Variants in POU3F3 observed in about 807,000 individuals in gnomAD.
POU3F3 encodes POU class 3 homeobox 3, also known as POU domain, class 3, transcription factor 3.
POU3F3 carries 1 observed loss-of-function variant against 8.6 expected under a neutral mutation model. The observed-to-expected ratio is 0.12, with a 90% CI of 0.04 to 0.55. The LOEUF (loss-of-function observed/expected upper bound fraction) is 0.55, where lower values mean the gene tolerates loss of function less well. Among genes scored for constraint, POU3F3 ranks in the 20% least tolerant of loss-of-function variants. The probability of loss-of-function intolerance (pLI) is 0.91; values close to 1 mark genes in which losing one functional copy is unlikely to be tolerated. For synonymous variants in POU3F3, 418 were observed against 327.4 expected, an observed-to-expected ratio of 1.28 and a Z score of -2.99; for missense variants, 577 against 690.7, an observed-to-expected ratio of 0.84 and a Z score of 1.84.
the POU3F3 span, among the ~76,000 whole-genome samples, chr2:104,918,545 C>G: frequency 1.3e-5 from 2 of 152,156 alleles, no homozygotes; most frequent in Non-Finnish European, 2.9e-5. Flanking sequence ...CACAGGTACA[C>G]ACAGGGAGAA....
At chr2:104,871,843 C>G in the POU3F3 span, among the ~76,000 whole-genome samples, 24 of 152,130 alleles carry the variant, frequency 1.6e-4, no homozygotes, top group Non-Finnish European at 2.5e-4. Flanking sequence ...TCAATGCGAA[C>G]GCAGAAAGAA....
At chr2:104,881,386 G>T in the POU3F3 span, among the ~76,000 whole-genome samples, 1 of 151,810 alleles carries the variant, frequency 6.6e-6, no homozygotes, top group African/African-American at 2.4e-5. Flanking sequence ...GGCTGTTCTT[G>T]AACTCCTGAC....
chr2:104,856,494 G>C lies in POU3F3; in HGVS notation c.984G>C (p.Gln328His). Residue 328 changes from glutamine to histidine, a missense_variant, in exon 1 of 1, where the codon CAG becomes CAC. Gln to His is a conservative substitution (Grantham distance 24). This residue lies in a region of POU3F3 where 20 missense variants were observed against 107.7 expected (regional missense o/e 0.19). Transcript: ENST00000361360. Reference protein sequence around the residue: ...TSDDLEQFAKQFKQRRIKLGF... With the variant: ...TSDDLEQFAKHFKQRRIKLGF... ...ACGACCTGGAGCAGTTCGCCAAGCAGTTCAAGCAGCGGCGCATCAAGCTGG... is the reference window on the plus strand; with the variant it reads ...ACGACCTGGAGCAGTTCGCCAAGCACTTCAAGCAGCGGCGCATCAAGCTGG... 1 of 1,613,852 alleles carries C rather than the reference G, an allele frequency of 6.2e-7. No homozygotes were observed. Among genetic ancestry groups the C allele is most frequent in the Non-Finnish European group, 8.5e-7 (1 of 1,179,984 alleles).
At chr2:104,864,907 T>G in the POU3F3 span, among the ~76,000 whole-genome samples, 1 of 152,232 alleles carries the variant, frequency 6.6e-6, no homozygotes, top group Non-Finnish European at 1.5e-5. Context: ...AATGGACTGT[T>G]AATATCACCC....
At chr2:104,909,867 G>A in the POU3F3 span, among the ~76,000 whole-genome samples, 1 of 152,172 alleles carries the variant, frequency 6.6e-6, no homozygotes, top group Admixed American at 6.5e-5. Flanking sequence ...ATACAAGAGA[G>A]TACTTCTTCA....
chr2:104,912,406 T>G, the POU3F3 span, among the ~76,000 whole-genome samples: 1 of 152,266 alleles, frequency 6.6e-6, no homozygotes, highest in East Asian at 1.9e-4. Flanking sequence ...ACGCCAAAGC[T>G]GTTGAGCACC....
chr2:104,914,376 G>A, the POU3F3 span, among the ~76,000 whole-genome samples: 11 of 152,160 alleles, frequency 7.2e-5, no homozygotes, highest in Admixed American at 7.2e-4. Context: ...CAGCTCCTCT[G>A]ATGGGTTGAT....
rs1410210456 is a variant in POU3F3, at chr2:104,857,336, C to T, written c.*323C>T. 1 of 155,146 alleles carries T rather than the reference C, an allele frequency of 6.4e-6. No homozygotes were observed. The highest frequency in any genetic ancestry group is 1.4e-5 in the Non-Finnish European group (1 of 69,366). 9.6% of individuals were successfully genotyped at this position (155,146 alleles called of 1,614,324 possible). ...CTGTTTTGTATACATATATAACAAACAAAACCGGAAGAGAAAAAGGGGGCG... is the reference window on the plus strand; with the variant it reads ...CTGTTTTGTATACATATATAACAAATAAAACCGGAAGAGAAAAAGGGGGCG... On this transcript the variant is annotated 3_prime_UTR_variant, in exon 1 of 1. Transcript: ENST00000361360.
chr2:104,858,961 G>A (rs1676624435), downstream of POU3F3, among the ~76,000 whole-genome samples: 1 of 151,110 alleles, frequency 6.6e-6, no homozygotes, highest in Non-Finnish European at 1.5e-5. Flanking sequence ...CTCCCCCCAA[G>A]TTCAGCTTCT....
the POU3F3 span, among the ~76,000 whole-genome samples, chr2:104,873,035 G>A: frequency 6.6e-6 from 1 of 152,192 alleles, no homozygotes; most frequent in Non-Finnish European, 1.5e-5. Flanking sequence ...CTTTGGGAGC[G>A]AGAAAGTTTG....
At position 104,855,638 on chromosome 2, in the gene POU3F3, G is replaced by GGGGGC; in HGVS notation, c.128_129insGGGGC (p.Ala44GlyfsTer17). The GGGGGC allele has an allele frequency of 1.0e-6, 1 of 973,022 alleles. No individual in the cohort carries two copies. Among genetic ancestry groups the GGGGGC allele is most frequent in the Non-Finnish European group, 1.2e-6 (1 of 822,816 alleles). 60.3% of individuals were successfully genotyped at this position (973,022 alleles called of 1,614,324 possible). On this transcript the variant is annotated frameshift_variant, in exon 1 of 1. Coordinates refer to ENST00000361360, the MANE Select transcript of POU3F3 (RefSeq NM_006236.3). LOFTEE classifies it low-confidence loss of function (END_TRUNC). ...GGCGGCGGCGGCGGCGGCGGGGGCG[G>GGGGGC]CGCAGGGGGCGGGGGCGGCGGCATG... is the stretch of plus-strand genomic sequence containing the variant.
downstream of POU3F3, among the ~76,000 whole-genome samples, chr2:104,862,529 C>A (rs898698263): frequency 6.6e-6 from 1 of 151,678 alleles, no homozygotes; most frequent in African/African-American, 2.4e-5. Context: ...GCGTCCAAAG[C>A]TCGCTTCTCT....
the POU3F3 span, among the ~76,000 whole-genome samples, chr2:104,884,124 G>A: frequency 6.6e-6 from 1 of 152,100 alleles, no homozygotes; most frequent in Non-Finnish European, 1.5e-5. Context: ...TCTGTAGAGT[G>A]GACTATGGAA....
chr2:104,918,108 G>A, the POU3F3 span, among the ~76,000 whole-genome samples: 1 of 152,190 alleles, frequency 6.6e-6, no homozygotes, highest in African/African-American at 2.4e-5. Context: ...CCTGCAAAGA[G>A]CTGTGCATAT....
chr2:104,890,658 G>A, the POU3F3 span, among the ~76,000 whole-genome samples: 3 of 152,280 alleles, frequency 2.0e-5, no homozygotes, highest in Non-Finnish European at 4.4e-5. Context: ...TTCAGTTAAG[G>A]TGGGAGGTGA....
chr2:104,911,886 T>G, the POU3F3 span, among the ~76,000 whole-genome samples: 1 of 151,970 alleles, frequency 6.6e-6, no homozygotes, highest in East Asian at 1.9e-4. Flanking sequence ...AAAAGTATGT[T>G]GTGTAAATAA....
rs1433630403 is a variant in POU3F3, at chr2:104,856,392, C to G, written c.882C>G (p.His294Gln). The part of the protein sequence containing the change: ...HPHHAQGPPH[H>Q]GGGGGGAGPG... The stretch of plus-strand genomic sequence containing the variant: ...ACCACGCGCAGGGACCCCCGCACCA[C>G]GGCGGCGGCGGCGGCGGCGCGGGGC... The change falls in exon 1 of 1, where the codon CAC becomes CAG. Residue 294 changes from histidine (H) to glutamine (Q), a missense_variant. His to Gln is a conservative substitution (Grantham distance 24). Around this residue, in one of 7 missense-constraint regions of POU3F3, gnomAD observed 484 missense variants for 422.6 expected, o/e 1.15. Coordinates refer to ENST00000361360, the MANE Select transcript of POU3F3 (RefSeq NM_006236.3). The G allele has an allele frequency of 1.3e-6, 2 of 1,534,734 alleles. No homozygotes were observed. The highest frequency in any genetic ancestry group is 1.7e-6 in the Non-Finnish European group (2 of 1,143,384).
chr2:104,900,309 T>A, the POU3F3 span, among the ~76,000 whole-genome samples: 6 of 152,102 alleles, frequency 3.9e-5, no homozygotes. Flanking sequence ...AGTGAGGGCG[T>A]CCTTCCACTG....
upstream of POU3F3, among the ~76,000 whole-genome samples, chr2:104,854,008 C>A (rs1345417720): frequency 6.6e-6 from 1 of 152,188 alleles, no homozygotes; most frequent in Non-Finnish European, 1.5e-5. The surrounding 1 kb of genome is among the most constrained non-coding windows in gnomAD (Gnocchi z 4.5). Context: ...TCATTCCGAG[C>A]CTGCCAATCA....
Sources: allele counts gnomAD v4.1 joint callset (sites outside exome capture counted in the v4.1 genomes callset), GRCh38; gene constraint gnomAD v4.1.1; regional missense constraint gnomAD v4.1.1; non-coding constraint Gnocchi (gnomAD v3.1); transcripts MANE v1.5; gene names NCBI Gene and HGNC (gene_info 2026-07-23, HGNC 2026-07-21).